CCDC66: variants seen among roughly 807,000 people sequenced by gnomAD.
CCDC66 encodes coiled-coil domain containing 66, also known as coiled-coil domain-containing protein 66.
CCDC66 carries 133 observed loss-of-function variants against 128.3 expected under a neutral mutation model. That is an observed-to-expected ratio of 1.04 (90% CI 0.90 to 1.20). The LOEUF (loss-of-function observed/expected upper bound fraction) is 1.20. Ranked by LOEUF, CCDC66 falls within the 50% of genes most tolerant of loss-of-function variation. The pLI, the probability that CCDC66 is intolerant of heterozygous loss-of-function variation, is 0.00. For synonymous variants in CCDC66, 387 were observed against 357.0 expected (o/e 1.08, Z -0.95); for missense variants, 1,126 against 1,075.5 (o/e 1.05, Z -0.66).
chr3:56,558,752 A>C (rs929568258), intron 1 of CCDC66, 94 bp from the exon 2 acceptor site: 1 of 869,486 alleles, frequency 1.2e-6, no homozygotes, highest in Non-Finnish European at 1.9e-6. Context: ...ATTCAAAATA[A>C]TGGATTTATT....
chr3:56,593,029 G>C lies in CCDC66; in HGVS notation c.996G>C (p.Trp332Cys), dbSNP rs781097765. The change falls in exon 8 of 18, where the codon TGG becomes TGC. Residue 332 changes from tryptophan to cysteine, a missense_variant. Transcript: ENST00000394672. ...TGAAACAAGAACTGCAAAGAAAATGGATTGAAGAGTTGAATAAGCAAATAG... is the reference window on the plus strand; with the variant it reads ...TGAAACAAGAACTGCAAAGAAAATGCATTGAAGAGTTGAATAAGCAAATAG... ...SAVKQELQRKWIEELNKQIED... is the reference protein window; with the variant it reads ...SAVKQELQRKCIEELNKQIED... 2 of 1,610,812 alleles carry C rather than the reference G, an allele frequency of 1.2e-6. No homozygotes were observed. The highest frequency in any genetic ancestry group is 1.1e-5 in the South Asian group (1 of 90,634).
In CCDC66 at chr3:56,579,703, A is replaced by G. The variant is rs150318749; in HGVS notation, c.936+8401A>G. The stretch of plus-strand genomic sequence containing the variant: ...TTCAGGAGCAGGTTGATCAGTTTCC[A>G]TGTAGTTGAGTGGTTTTGAGTGAAT... On this transcript the variant is annotated intron_variant, in intron 7 of 17. Transcript: ENST00000394672. 2.4e-3 allele frequency among the ~76,000 whole-genome samples: 371 copies of G among 151,922 alleles called. 4 individuals carry two copies. Among genetic ancestry groups the G allele is most frequent in the African/African-American group, 8.4e-3 (350 of 41,518 alleles).
In CCDC66 at chr3:56,619,921, T is replaced by C. The variant is rs2076139065; in HGVS notation, c.2760+20T>C. The C allele has an allele frequency of 1.2e-6, 2 of 1,610,938 alleles. No homozygotes were observed. The highest frequency in any genetic ancestry group is 2.7e-5 in the African/African-American group (2 of 74,928). ...AGACAGGTATGAGCTTTTTCAAGTG[T>C]AGATATGTCTGTTCTTTATGTGGCG... On this transcript the variant is annotated intron_variant, in intron 17 of 17. Transcript: ENST00000394672.
intron 17 of CCDC66, 97 bp downstream of exon 17, chr3:56,619,998 A>C: frequency 7.5e-7 from 1 of 1,325,052 alleles, no homozygotes. Context: ...ACTTCGGTGC[A>C]TCCCAGGATT....
Position 56,583,913 on chromosome 3 carries a change from G to C in CCDC66, c.937-9057G>C. 3.1e-5 allele frequency among the ~76,000 whole-genome samples: 3 copies of C among 95,346 alleles called. 1 individual carries two copies. In the South Asian group the frequency reaches 8.8e-4, roughly 28 times the overall value. 62.6% of individuals were successfully genotyped at this position (95,346 alleles called of 152,430 possible). A position where few individuals can be genotyped will look rare whatever the true frequency, so the allele number is the denominator to read the frequency against. ...CCCCCACCTCCCGGATGGGGCGGCGGCTGGGCGGGGGCTGCCCCCCACCTC... is the reference window on the plus strand; with the variant it reads ...CCCCCACCTCCCGGATGGGGCGGCGCCTGGGCGGGGGCTGCCCCCCACCTC... On this transcript the variant is annotated intron_variant, in intron 7 of 17. Transcript: ENST00000394672.
chr3:56,618,388 G>A (rs1353058215), intron 15 of CCDC66, 176 bp downstream of exon 15: 10 of 552,642 alleles, frequency 1.8e-5, no homozygotes, highest in African/African-American at 1.9e-5. Context: ...GCAGGAGCTT[G>A]AAGGCCCAAG....
intron 4 of CCDC66, among the ~76,000 whole-genome samples, chr3:56,564,438 T>C (rs1444942433): frequency 1.3e-5 from 2 of 152,304 alleles, no homozygotes; most frequent in South Asian, 2.1e-4. Context: ...TTAAAATAGT[T>C]ATATGAAACA....
intron 12 of CCDC66, 63 bp from the exon 13 acceptor site, chr3:56,615,859 C>CTATTATGTATAAAATTATGTATAAAAAT: frequency 7.3e-7 from 1 of 1,368,706 alleles, no homozygotes; most frequent in South Asian, 1.3e-5. Context: ...TTAGTTGCTG[C>CTATTATGTATAAAATTATGTATAAAAAT]TATACATAAT....
chr3:56,593,931 T>C lies in CCDC66; in HGVS notation c.1320-13T>C, dbSNP rs781112806. On this transcript the variant is annotated splice_polypyrimidine_tract_variant and intron_variant, in intron 9 of 17. Transcript: ENST00000394672. ...TTTGAGGTTTTGAATAGCTAATGTA[T>C]GTATCTTGCCAGCTTTCTCCGTTCT... 1.7e-5 allele frequency: 28 copies of C among 1,613,650 alleles called. No individual in the cohort carries two copies. Among genetic ancestry groups the C allele is most frequent in the Non-Finnish European group, 6.8e-6 (8 of 1,179,674 alleles).
chr3:56,566,752 A>AT lies in CCDC66; in HGVS notation c.705dup (p.Ala236CysfsTer5). The AT allele has an allele frequency of 6.2e-7, 1 of 1,609,750 alleles. No individual in the cohort carries two copies. Among genetic ancestry groups the AT allele is most frequent in the Non-Finnish European group, 8.5e-7 (1 of 1,177,894 alleles). On this transcript the variant is annotated frameshift_variant, in exon 5 of 18. Transcript: ENST00000394672. LOFTEE classifies it high-confidence loss of function. ...GACATCTAAACAGTGTGAGCAAAAA[A>AT]TTGCCATGTATGTAACTCCTATCTG...
chr3:56,586,253 G>T (rs748923249), intron 7 of CCDC66, among the ~76,000 whole-genome samples: 2 of 151,944 alleles, frequency 1.3e-5, no homozygotes, highest in Admixed American at 6.6e-5. Context: ...AACCGGCCAG[G>T]CGTGGTGGCT....
intron 6 of CCDC66, among the ~76,000 whole-genome samples, chr3:56,568,868 A>G (rs1384225742): frequency 6.6e-6 from 1 of 152,224 alleles, no homozygotes; most frequent in Non-Finnish European, 1.5e-5. Flanking sequence ...AGAAATATCC[A>G]TTACTTCTTC....
At chr3:56,560,401 C>A (rs1434618512) in intron 3 of CCDC66, among the ~76,000 whole-genome samples, 1 of 152,050 alleles carries the variant, frequency 6.6e-6, no homozygotes, top group Non-Finnish European at 1.5e-5. Flanking sequence ...GAGATGGGAT[C>A]TCACTATGTT....
At chr3:56,569,111 G>A (rs905174002) in intron 6 of CCDC66, among the ~76,000 whole-genome samples, 1 of 152,314 alleles carries the variant, frequency 6.6e-6, no homozygotes, top group Non-Finnish European at 1.5e-5. Context: ...GCCAAGATGG[G>A]AGGATTGCTT....
intron 17 of CCDC66, 147 bp from the exon 18 acceptor site, chr3:56,621,385 A>G: frequency 2.0e-6 from 1 of 510,190 alleles, no homozygotes; most frequent in Non-Finnish European, 3.5e-6. Flanking sequence ...GAGGTGGTCT[A>G]GTACAAGCAT....
chr3:56,599,854 C>G (rs1272277326), intron 10 of CCDC66, among the ~76,000 whole-genome samples: 2 of 152,072 alleles, frequency 1.3e-5, no homozygotes, highest in East Asian at 3.8e-4. Context: ...TGTGTATTCT[C>G]TTAACTGTTG....
Position 56,621,589 on chromosome 3 carries a change from C to T in CCDC66, c.2818C>T (p.Gln940Ter), listed in dbSNP as rs369777591. The T allele has an allele frequency of 1.6e-5, 26 of 1,599,394 alleles. No homozygotes were observed. In the African/African-American group the frequency reaches 3.4e-4, roughly 21 times the overall value. Residue 940 changes from glutamine to a stop codon, truncating the protein, a stop_gained, in exon 18 of 18, where the codon CAA becomes TAA. Transcript: ENST00000394672. LOFTEE classifies it high-confidence loss of function. ...ESSLLPLAEN[Q>*]EESFGSSF ...TAGTCTCCTGCCTTTAGCTGAAAAT[C>T]AAGAAGAGAGTTTTGGTTCTTCATT...
At chr3:56,558,533 GT>G (rs1274408301) in intron 1 of CCDC66, among the ~76,000 whole-genome samples, 6 of 152,176 alleles carry the variant, frequency 3.9e-5, no homozygotes, top group Non-Finnish European at 5.9e-5. Context: ...TATGTGAGGA[GT>G]TTTGGTAACA....
intron 1 of CCDC66, among the ~76,000 whole-genome samples, chr3:56,558,533 G>C (rs1359457004): frequency 2.0e-5 from 3 of 152,176 alleles, no homozygotes; most frequent in African/African-American, 7.2e-5. Flanking sequence ...TATGTGAGGA[G>C]TTTTGGTAAC....
Sources: allele counts gnomAD v4.1 joint callset (sites outside exome capture counted in the v4.1 genomes callset), GRCh38; gene constraint gnomAD v4.1.1; transcripts MANE v1.5; gene names NCBI Gene and HGNC (gene_info 2026-07-23, HGNC 2026-07-21).